Variants in HPSE2 observed in about 807,000 individuals in gnomAD.
HPSE2 encodes inactive heparanase-2.
HPSE2 carries 38 observed loss-of-function variants against 60.5 expected under a neutral mutation model. That is an observed-to-expected ratio of 0.63 (90% CI 0.48 to 0.82). The LOEUF is 0.82. HPSE2 is among the 40% of genes least tolerant of loss of function. The pLI is 0.00. For missense variants in HPSE2, 713 were observed against 740.4 expected, an observed-to-expected ratio of 0.96 and a Z score of 0.43; for synonymous variants, 295 against 293.2, an observed-to-expected ratio of 1.01 and a Z score of -0.06.
intron 3 of HPSE2, among the ~76,000 whole-genome samples, chr10:98,838,315 TTATTG>T (rs1951837788): frequency 6.6e-6 from 1 of 152,208 alleles, no homozygotes; most frequent in Non-Finnish European, 1.5e-5. Context: ...TCTCACCTGC[TTATTG>T]TAAAGATTGA....
chr10:99,145,217 G>C (rs1475653000), intron 2 of HPSE2, among the ~76,000 whole-genome samples: 2 of 152,182 alleles, frequency 1.3e-5, no homozygotes, highest in African/African-American at 4.8e-5. Context: ...AGCACTTTGG[G>C]AGGCCAAGGC....
intron 3 of HPSE2, among the ~76,000 whole-genome samples, chr10:98,880,856 T>C (rs1373728112): frequency 6.6e-6 from 1 of 152,028 alleles, no homozygotes; most frequent in East Asian, 1.9e-4. Flanking sequence ...AAAGCCCCCA[T>C]CTTGTGAACT....
At chr10:98,962,577 C>A (rs1955706054) in intron 3 of HPSE2, among the ~76,000 whole-genome samples, 2 of 150,756 alleles carry the variant, frequency 1.3e-5, no homozygotes, top group African/African-American at 4.9e-5. Context: ...GAAGTTCTGG[C>A]CAGAGCAATC....
At chr10:99,186,135 C>CACACACACAT (rs1554912936) in intron 2 of HPSE2, among the ~76,000 whole-genome samples, 2 of 150,908 alleles carry the variant, frequency 1.3e-5, no homozygotes, top group South Asian at 2.1e-4. Context: ...CACACACACA[C>CACACACACAT]ACACACACAC....
intron 3 of HPSE2, among the ~76,000 whole-genome samples, chr10:98,976,833 A>T (rs377506459): frequency 1.1e-4 from 16 of 152,296 alleles, no homozygotes; most frequent in African/African-American, 3.6e-4. Context: ...GATGTAATTA[A>T]GCATTTGAAA....
At chr10:99,274,405 TTAAAA>T in the HPSE2 span, among the ~76,000 whole-genome samples, 2 of 151,926 alleles carry the variant, frequency 1.3e-5, no homozygotes, top group African/African-American at 2.4e-5. Flanking sequence ...ATCTTGGAAC[TTAAAA>T]TAAAATAAAG....
At chr10:98,486,854 G>A (rs1019207053) in intron 10 of HPSE2, among the ~76,000 whole-genome samples, 2 of 152,090 alleles carry the variant, frequency 1.3e-5, no homozygotes, top group African/African-American at 4.8e-5. Context: ...AAGCCCCTGT[G>A]TATTTTAAGG....
chr10:99,217,609 T>C (rs1014274797), intron 2 of HPSE2, among the ~76,000 whole-genome samples: 10 of 152,054 alleles, frequency 6.6e-5, no homozygotes, highest in African/African-American at 2.4e-4. Flanking sequence ...TGCTGCTTGT[T>C]TGTTTTTGAG....
At chr10:98,839,421 T>C (rs1951861743) in intron 3 of HPSE2, among the ~76,000 whole-genome samples, 2 of 152,230 alleles carry the variant, frequency 1.3e-5, no homozygotes, top group African/African-American at 4.8e-5. Context: ...TTTGTAATCA[T>C]GAATTAAATT....
Position 98,459,190 on chromosome 10 carries a change from G to C in HPSE2, c.*384C>G. 3.7e-6 allele frequency: 1 copy of C among 267,576 alleles called. No homozygotes were observed. The highest frequency in any genetic ancestry group is 4.5e-5 in the South Asian group (1 of 22,024). The allele number at this position is 267,576 out of a possible 1,614,324, so 16.6% of individuals were successfully genotyped here. On this transcript the variant is annotated 3_prime_UTR_variant, in exon 12 of 12. Transcript: ENST00000370552. The stretch of plus-strand genomic sequence containing the variant: ...TCATCTTCCTCTGAGGGCAGCAGCA[G>C]CAGCAGGCTAAGGTTTGGATTTGTG...
At chr10:98,688,741 G>A (rs1947994025) in intron 6 of HPSE2, among the ~76,000 whole-genome samples, 1 of 151,762 alleles carries the variant, frequency 6.6e-6, no homozygotes, top group African/African-American at 2.4e-5. Context: ...CTCCCAAAGT[G>A]TTGGGATTAC....
At chr10:99,198,091 T>C (rs1021731437) in intron 2 of HPSE2, among the ~76,000 whole-genome samples, 1 of 152,006 alleles carries the variant, frequency 6.6e-6, no homozygotes, top group Non-Finnish European at 1.5e-5. Context: ...AGTGAATTTT[T>C]TCCAAGGCCA....
intron 3 of HPSE2, among the ~76,000 whole-genome samples, chr10:98,774,395 A>T (rs1565153915): frequency 6.6e-6 from 1 of 152,086 alleles, no homozygotes; most frequent in Non-Finnish European, 1.5e-5. Flanking sequence ...AACAACAAAA[A>T]AAGTAGTATT....
At chr10:99,308,904 C>T in the HPSE2 span, among the ~76,000 whole-genome samples, 2 of 152,100 alleles carry the variant, frequency 1.3e-5, no homozygotes, top group Admixed American at 6.6e-5. Context: ...GATGTTAGTT[C>T]GGTTTAGAAA....
intron 9 of HPSE2, among the ~76,000 whole-genome samples, chr10:98,608,620 G>C (rs1206706706): frequency 6.6e-6 from 1 of 152,186 alleles, no homozygotes; most frequent in Non-Finnish European, 1.5e-5. Flanking sequence ...GGCCACTGAC[G>C]TGGAGCCAGC....
chr10:98,611,049 T>G (rs1209427836), intron 9 of HPSE2, among the ~76,000 whole-genome samples: 1 of 152,172 alleles, frequency 6.6e-6, no homozygotes, highest in Non-Finnish European at 1.5e-5. Flanking sequence ...CGTGACTGAC[T>G]GACCAGCTGT....
chr10:98,867,250 A>G (rs1952610484), intron 3 of HPSE2, among the ~76,000 whole-genome samples: 1 of 151,898 alleles, frequency 6.6e-6, no homozygotes, highest in Non-Finnish European at 1.5e-5. Context: ...CCATCTGACA[A>G]GGGATTATAC....
At chr10:98,535,941 G>A (rs1943269140) in intron 9 of HPSE2, among the ~76,000 whole-genome samples, 1 of 152,004 alleles carries the variant, frequency 6.6e-6, no homozygotes, top group Non-Finnish European at 1.5e-5. Context: ...GAGTGGAGAA[G>A]AAGAGCCTTC....
the HPSE2 span, among the ~76,000 whole-genome samples, chr10:99,261,077 C>T: frequency 3.9e-5 from 6 of 152,266 alleles, no homozygotes; most frequent in Admixed American, 2.6e-4. Flanking sequence ...GTCTGAGGTG[C>T]GCCTGCTGTC....
Sources: allele counts gnomAD v4.1 joint callset (sites outside exome capture counted in the v4.1 genomes callset), GRCh38; gene constraint gnomAD v4.1.1; transcripts MANE v1.5; gene names NCBI Gene and HGNC (gene_info 2026-07-23, HGNC 2026-07-21).